Variants in PCM1 observed in about 807,000 individuals in gnomAD.
PCM1 encodes pericentriolar material 1.
In PCM1, 157 loss-of-function variants were observed where a neutral mutation model predicts 241.9. The ratio of observed to expected loss-of-function variants is 0.65; its 90% CI spans 0.57 to 0.74. PCM1 has a LOEUF of 0.74. PCM1 is among the 30% of genes least tolerant of loss of function. PCM1 has a pLI of 0.00. For missense variants in PCM1, 3,478 were observed against 2,360.1 expected, an observed-to-expected ratio of 1.47 and a Z score of -9.81; for synonymous variants, 1,085 against 784.9, an observed-to-expected ratio of 1.38 and a Z score of -6.39.
chr8:18,028,046 A>G lies in PCM1; in HGVS notation c.*384A>G, dbSNP rs2094349554. 4 of 224,624 alleles carry G rather than the reference A, an allele frequency of 1.8e-5. No homozygotes were observed. In the East Asian group the frequency reaches 2.7e-4, roughly 15 times the overall value. The allele number at this position is 224,624 out of a possible 1,614,324, so 13.9% of individuals were successfully genotyped here. On this transcript the variant is annotated 3_prime_UTR_variant, in exon 39 of 39. Transcript: ENST00000325083. ...TTATATAACTTTAGGCTGCTCAGAG[A>G]AGAGCAATGGTTAAGAGTTAGTTAG...
At chr8:17,949,793 G>T (rs566469413) in intron 7 of PCM1, among the ~76,000 whole-genome samples, 1 of 152,106 alleles carries the variant, frequency 6.6e-6, no homozygotes, top group Non-Finnish European at 1.5e-5. Context: ...CACTGTACCT[G>T]GCCACCAATG....
chr8:17,952,703 G>T (rs1563850494), intron 8 of PCM1, among the ~76,000 whole-genome samples: 1 of 152,108 alleles, frequency 6.6e-6, no homozygotes, highest in Non-Finnish European at 1.5e-5. Flanking sequence ...TTTTATATAA[G>T]GGATTTGGGT....
At position 17,999,156 on chromosome 8, in the gene PCM1, C is replaced by G. The variant is rs115109512; in HGVS notation, c.4827+5537C>G. ...GGTGCTCTACCCCACTGTGATCGCT[C>G]TGGTACTTAAGGTGCAAGACAAAGT... On this transcript the variant is annotated intron_variant, in intron 29 of 38. Coordinates refer to ENST00000325083, the MANE Select transcript of PCM1 (RefSeq NM_006197.4). 5.9e-3 allele frequency among the ~76,000 whole-genome samples: 895 copies of G among 152,138 alleles called. 9 individuals carry two copies. The highest frequency in any genetic ancestry group is 0.021 in the African/African-American group (861 of 41,490).
At chr8:17,947,964 A>G (rs551924997) in intron 7 of PCM1, among the ~76,000 whole-genome samples, 95 of 152,354 alleles carry the variant, frequency 6.2e-4, no homozygotes, top group African/African-American at 2.2e-3. Flanking sequence ...ATTTCTTAGT[A>G]TTGAGTCTAA....
chr8:17,987,473 C>T (rs1190023387), intron 26 of PCM1, among the ~76,000 whole-genome samples: 4 of 151,766 alleles, frequency 2.6e-5, no homozygotes, highest in Admixed American at 2.6e-4. Flanking sequence ...ATCGATAGCA[C>T]ATTTTGAAAG....
At chr8:18,005,233 C>A (rs887874362) in intron 29 of PCM1, among the ~76,000 whole-genome samples, 1 of 151,930 alleles carries the variant, frequency 6.6e-6, no homozygotes, top group Non-Finnish European at 1.5e-5. Context: ...AATAAGAATA[C>A]CTGCAGTTAA....
chr8:18,012,952 C>T (rs369033), intron 34 of PCM1, among the ~76,000 whole-genome samples: 113,388 of 152,094 alleles, frequency 0.75, 42,651 homozygotes, highest in Middle Eastern at 0.79. Flanking sequence ...CATTACCTTC[C>T]GTTTTCAAAT....
intron 6 of PCM1, 161 bp downstream of exon 6, chr8:17,940,022 A>G (rs753032097): frequency 6.8e-7 from 1 of 1,461,846 alleles, no homozygotes. Flanking sequence ...TGTATGATTT[A>G]TACCGCTAAA....
At chr8:17,928,763 C>T (rs2058011357) in intron 2 of PCM1, among the ~76,000 whole-genome samples, 1 of 151,902 alleles carries the variant, frequency 6.6e-6, no homozygotes, top group African/African-American at 2.4e-5. Context: ...TCTCTTGTAG[C>T]TGGGATTACA....
intron 11 of PCM1, 41 bp downstream of exon 11, chr8:17,956,818 C>G (rs765383613): frequency 4.2e-6 from 6 of 1,444,998 alleles, no homozygotes; most frequent in Non-Finnish European, 5.8e-6. Flanking sequence ...CATATTCATT[C>G]TGTCTTGATA....
chr8:17,947,407 T>C (rs774863621), intron 7 of PCM1, 44 bp downstream of exon 7: 9 of 1,358,274 alleles, frequency 6.6e-6, no homozygotes, highest in South Asian at 2.8e-5. Flanking sequence ...GGAAGACTCA[T>C]ACATAATTGT....
chr8:18,027,066 G>A (rs142344711), intron 38 of PCM1, among the ~76,000 whole-genome samples: 3 of 152,020 alleles, frequency 2.0e-5, no homozygotes, highest in Admixed American at 6.6e-5. Flanking sequence ...TCTTTTTGTT[G>A]TTCTCCATCA....
At chr8:18,008,004 G>C (rs2129484698) in intron 30 of PCM1, among the ~76,000 whole-genome samples, 1 of 152,306 alleles carries the variant, frequency 6.6e-6, no homozygotes, top group African/African-American at 2.4e-5. Flanking sequence ...AAAAGGGTCA[G>C]AATCTACTTT....
intron 27 of PCM1, among the ~76,000 whole-genome samples, chr8:17,991,151 T>G (rs917745175): frequency 1.3e-5 from 2 of 152,084 alleles, no homozygotes; most frequent in African/African-American, 2.4e-5. Context: ...TTTGCTTGTT[T>G]TAGGTTGCGT....
chr8:17,947,738 G>T (rs1194604864), intron 7 of PCM1, among the ~76,000 whole-genome samples: 1 of 152,098 alleles, frequency 6.6e-6, no homozygotes, highest in African/African-American at 2.4e-5. Context: ...CCCAAGAAAG[G>T]GTTAAAACCT....
At chr8:17,935,288 G>A (rs545242998) in intron 2 of PCM1, among the ~76,000 whole-genome samples, 17 of 152,224 alleles carry the variant, frequency 1.1e-4, no homozygotes, top group Non-Finnish European at 7.4e-5. Context: ...CTACTTTATT[G>A]TTCTACCCTT....
At chr8:18,010,439 A>G (rs191784552) in intron 31 of PCM1, among the ~76,000 whole-genome samples, 170 bp from the exon 32 acceptor site, 1 of 152,292 alleles carries the variant, frequency 6.6e-6, no homozygotes, top group East Asian at 1.9e-4. Context: ...AGACGTTGCT[A>G]AGAGCTTGAT....
At chr8:18,000,788 G>C (rs34975555) in intron 29 of PCM1, among the ~76,000 whole-genome samples, 18,606 of 151,956 alleles carry the variant, frequency 0.12, 1,517 homozygotes, top group East Asian at 0.38. Flanking sequence ...TGCCTGGCTT[G>C]CTTTTTGTAT....
At chr8:17,998,153 T>A (rs534102488) in intron 29 of PCM1, among the ~76,000 whole-genome samples, 3 of 152,242 alleles carry the variant, frequency 2.0e-5, no homozygotes, top group Non-Finnish European at 4.4e-5. Flanking sequence ...CTCTCCAGGA[T>A]TGGCCACTGG....
Sources: allele counts gnomAD v4.1 joint callset (sites outside exome capture counted in the v4.1 genomes callset), GRCh38; gene constraint gnomAD v4.1.1; transcripts MANE v1.5; gene names NCBI Gene and HGNC (gene_info 2026-07-23, HGNC 2026-07-21).